Variants in MARF1 observed in about 807,000 individuals in gnomAD.
MARF1 encodes limkain-b1.
Under a neutral mutation model 168.2 loss-of-function variants are expected in MARF1, and 24 were observed. The ratio of observed to expected loss-of-function variants is 0.14; its 90% CI spans 0.10 to 0.20. The LOEUF is 0.20. Among genes scored for constraint, MARF1 ranks in the 10% least tolerant of loss-of-function variants. The probability of loss-of-function intolerance (pLI) is 1.00; values close to 1 mark genes in which losing one functional copy is unlikely to be tolerated. For synonymous variants in MARF1, 868 were observed against 822.4 expected (o/e 1.06, Z -0.95); for missense variants, 1,744 against 2,143.6 (o/e 0.81, Z 3.68).
At chr16:15,602,296 G>T in intron 22 of MARF1, 93 bp from the exon 23 acceptor site, 1 of 971,536 alleles carries the variant, frequency 1.0e-6, no homozygotes, top group Non-Finnish European at 1.6e-6. Flanking sequence ...AAGGCCCAGA[G>T]TTGAAGACGA....
chr16:15,624,303 C>T (rs146201333), intron 10 of MARF1, among the ~76,000 whole-genome samples: 2 of 152,328 alleles, frequency 1.3e-5, no homozygotes, highest in East Asian at 3.9e-4. Flanking sequence ...GAATGCAACA[C>T]GGCCTTACGG....
chr16:15,632,247 C>T (rs2035302597), intron 5 of MARF1, among the ~76,000 whole-genome samples: 2 of 152,234 alleles, frequency 1.3e-5, no homozygotes, highest in South Asian at 2.1e-4. Flanking sequence ...ATAGCTTCTG[C>T]CAACAATTTG....
At chr16:15,642,155 T>C (rs755286626) in intron 1 of MARF1, among the ~76,000 whole-genome samples, 1 of 152,142 alleles carries the variant, frequency 6.6e-6, no homozygotes, top group African/African-American at 2.4e-5. Flanking sequence ...ATTTAGCAAA[T>C]GTTGTTTCCT....
chr16:15,633,274 C>G (rs2035370499), intron 5 of MARF1, among the ~76,000 whole-genome samples: 1 of 151,888 alleles, frequency 6.6e-6, no homozygotes. Flanking sequence ...AAGCCTCCAC[C>G]ACCTAACCCT....
chr16:15,642,951 G>T, intron 1 of MARF1, 67 bp downstream of exon 1: 1 of 207,496 alleles, frequency 4.8e-6, no homozygotes, highest in East Asian at 1.9e-4. Flanking sequence ...ACTGTCCTCC[G>T]TCCCGCCCCG....
intron 7 of MARF1, 28 bp downstream of exon 7, chr16:15,630,304 A>G: frequency 6.3e-7 from 1 of 1,582,060 alleles, no homozygotes. Flanking sequence ...ATATTGGAAA[A>G]TGGCAAAAAT....
chr16:15,630,011 G>A (rs941126576), intron 7 of MARF1, among the ~76,000 whole-genome samples: 1 of 152,178 alleles, frequency 6.6e-6, no homozygotes, highest in Non-Finnish European at 1.5e-5. Flanking sequence ...GAAGCAAAAA[G>A]AATCATGACT....
rs2034722327 is a variant in MARF1 at position 15,624,822 on chromosome 16, T to C, written c.2217A>G (p.Leu739=). ...GAGGACTGACTTGCCTGGATGCAAC[T>C]AACTTGCTAAAAGCAGACGGGTAAC... The part of the protein sequence containing the change: ...QVSYPSAFSK[L]VASRQVSPLL... The change falls in exon 10 of 27, where the codon TTA becomes TTG. Residue 739 remains leucine, a synonymous_variant. Coordinates refer to ENST00000396368, the MANE Select transcript of MARF1 (RefSeq NM_014647.4). 1 of 1,614,102 alleles carries C rather than the reference T, an allele frequency of 6.2e-7. No individual in the cohort carries two copies. The highest frequency in any genetic ancestry group is 8.5e-7 in the Non-Finnish European group (1 of 1,180,042).
rs369792440 is a variant in MARF1 at position 15,596,838 on chromosome 16, G to C, written c.5084C>G (p.Ala1695Gly). ...SDSSSSCISA[A>G]VPVPPCPSSE... Reference sequence around the variant, plus strand: ...GGAGGGGCAGGGAGGCACGGGGACAGCTGCTGAGATGCAGGACGAGCTGGA... The same window carrying C: ...GGAGGGGCAGGGAGGCACGGGGACACCTGCTGAGATGCAGGACGAGCTGGA... The change falls in exon 27 of 27, where the codon GCT becomes GGT. Residue 1695 changes from alanine (A) to glycine (G), a missense_variant. Ala to Gly is a moderately conservative substitution (Grantham distance 60, BLOSUM62 0). Transcript: ENST00000396368. 4 of 1,614,084 alleles carry C rather than the reference G, an allele frequency of 2.5e-6. No individual in the cohort carries two copies. The highest frequency in any genetic ancestry group is 3.4e-6 in the Non-Finnish European group (4 of 1,180,042).
chr16:15,611,315 C>T (rs563728740), intron 18 of MARF1, among the ~76,000 whole-genome samples: 1 of 151,802 alleles, frequency 6.6e-6, no homozygotes, highest in Middle Eastern at 3.4e-3. Context: ...AAAAATAAGC[C>T]GGGTGTGGTG....
chr16:15,635,192 C>T (rs2035502181), intron 3 of MARF1: 4 of 457,620 alleles, frequency 8.7e-6, no homozygotes, highest in African/African-American at 2.0e-5. Context: ...TCTGCTGCAA[C>T]GAAGACCTCA....
chr16:15,637,428 T>C (rs1205021069), intron 2 of MARF1, among the ~76,000 whole-genome samples: 2 of 152,216 alleles, frequency 1.3e-5, no homozygotes, highest in African/African-American at 4.8e-5. Flanking sequence ...CATAGGCTCA[T>C]CTGGAAGAAA....
chr16:15,642,734 G>A (rs1267363363), intron 1 of MARF1, among the ~76,000 whole-genome samples: 4 of 152,178 alleles, frequency 2.6e-5, no homozygotes, highest in Non-Finnish European at 2.9e-5. Context: ...CTTCACTCCT[G>A]GAGGGCCCCA....
chr16:15,623,781 C>A (rs1300659177), intron 10 of MARF1, among the ~76,000 whole-genome samples: 1 of 152,152 alleles, frequency 6.6e-6, no homozygotes, highest in Non-Finnish European at 1.5e-5. Context: ...CAATTTAAGG[C>A]GTCTAACCTC....
At chr16:15,601,115 G>A (rs2032378169) in intron 23 of MARF1, 2 of 464,936 alleles carry the variant, frequency 4.3e-6, no homozygotes, top group Non-Finnish European at 8.6e-6. Context: ...GCATCTTAAA[G>A]TCCTCTCCCT....
chr16:15,625,243 A>G lies in MARF1; in HGVS notation c.1954-70T>C, dbSNP rs2269449. 8,229 of 1,575,834 alleles carry G rather than the reference A, an allele frequency of 5.2e-3. 266 individuals carry two copies. In the East Asian group the frequency reaches 0.089, roughly 17 times the overall value. ...AGATGTGTTAGATCCTTTACAGAAA[A>G]CGATTGACTTTGAGTATCATCAAAC... is the stretch of plus-strand genomic sequence containing the variant. On this transcript the variant is annotated intron_variant, in intron 8 of 26. Transcript: ENST00000396368.
Position 15,596,575 on chromosome 16 carries a change from G to A in MARF1, c.*118C>T. ...AAACATGATAGAACACAGGTAAGAT[G>A]AAGTCAATGGCTTCGGGGGGTTTTC... On this transcript the variant is annotated 3_prime_UTR_variant, in exon 27 of 27. Transcript: ENST00000396368. The A allele has an allele frequency of 9.9e-7, 1 of 1,014,776 alleles. No individual in the cohort carries two copies. 62.9% of individuals were successfully genotyped at this position (1,014,776 alleles called of 1,614,324 possible).
intron 20 of MARF1, 47 bp from the exon 21 acceptor site, chr16:15,608,565 G>T: frequency 7.1e-7 from 1 of 1,410,400 alleles, no homozygotes; most frequent in Admixed American, 1.9e-5. Context: ...ACAAATCACG[G>T]GTGTTTACAG....
intron 11 of MARF1, among the ~76,000 whole-genome samples, chr16:15,622,589 GC>G (rs1567565175): frequency 1.3e-5 from 2 of 151,920 alleles, no homozygotes; most frequent in African/African-American, 4.8e-5. Context: ...GGTTTCACTC[GC>G]CAGGCTGGTC....
Sources: allele counts gnomAD v4.1 joint callset (sites outside exome capture counted in the v4.1 genomes callset), GRCh38; gene constraint gnomAD v4.1.1; transcripts MANE v1.5; gene names NCBI Gene and HGNC (gene_info 2026-07-23, HGNC 2026-07-21).